FER: variants seen among roughly 807,000 people sequenced by gnomAD.
The protein encoded by FER is tyrosine-protein kinase Fer.
FER carries 63 observed loss-of-function variants against 111.0 expected under a neutral mutation model. The observed-to-expected ratio is 0.57, with a 90% CI of 0.46 to 0.70. The LOEUF (loss-of-function observed/expected upper bound fraction) is 0.70. Among genes scored for constraint, FER ranks in the 30% least tolerant of loss-of-function variants. The pLI is 0.00. For missense variants in FER, 914 were observed against 954.0 expected (o/e 0.96, Z 0.55); for synonymous variants, 327 against 313.9 (o/e 1.04, Z -0.44).
chr5:108,957,053 G>A (rs1758519283), intron 12 of FER, among the ~76,000 whole-genome samples: 2 of 151,610 alleles, frequency 1.3e-5, no homozygotes, highest in Non-Finnish European at 3.0e-5. Flanking sequence ...AAAGAGCACT[G>A]AATTTGGAGT....
At chr5:109,135,730 G>A (rs1752823263) in intron 17 of FER, among the ~76,000 whole-genome samples, 1 of 152,082 alleles carries the variant, frequency 6.6e-6, no homozygotes, top group African/African-American at 2.4e-5. Flanking sequence ...TTTGTAAATT[G>A]GCCTGATTCC....
intron 9 of FER, among the ~76,000 whole-genome samples, chr5:108,893,528 G>A (rs754346993): frequency 2.6e-5 from 4 of 151,958 alleles, no homozygotes; most frequent in African/African-American, 7.3e-5. Context: ...TTGGGATGTA[G>A]TTTTATAATC....
chr5:109,088,942 G>A (rs1176083997), intron 16 of FER, among the ~76,000 whole-genome samples: 1 of 152,114 alleles, frequency 6.6e-6, no homozygotes, highest in African/African-American at 2.4e-5. Context: ...AAAGAAAAAG[G>A]TATTAAGGAT....
intron 10 of FER, among the ~76,000 whole-genome samples, chr5:108,907,480 A>G (rs1197513145): frequency 6.6e-6 from 1 of 151,958 alleles, no homozygotes; most frequent in Admixed American, 6.6e-5. Flanking sequence ...TTTTTGATAG[A>G]GACGGGGTTT....
At chr5:109,036,408 A>G (rs559562957) in intron 13 of FER, among the ~76,000 whole-genome samples, 126 of 152,238 alleles carry the variant, frequency 8.3e-4, no homozygotes, top group African/African-American at 3.0e-3. Flanking sequence ...AAGGTAAAGC[A>G]CTTCAAATAA....
At position 108,867,844 on chromosome 5, in the gene FER, T is replaced by C. The variant is rs1320496307; in HGVS notation, c.559T>C (p.Leu187=). The C allele has an allele frequency of 6.2e-7, 1 of 1,613,418 alleles. No individual in the cohort carries two copies. Among genetic ancestry groups the C allele is most frequent in the South Asian group, 1.1e-5 (1 of 91,058 alleles). The change falls in exon 6 of 20, where the codon TTG becomes CTG. Residue 187 remains leucine, a synonymous_variant. Coordinates refer to ENST00000281092, the MANE Select transcript of FER (RefSeq NM_005246.4). ...TCATATGTTGCACAATCAGTATGTA[T>C]TGGCGTTGAAAGGGGCACAGCTCCA... ...KLHMLHNQYV[L]ALKGAQLHQN...
chr5:109,163,144 T>C (rs1035749074), intron 17 of FER, among the ~76,000 whole-genome samples: 2 of 152,134 alleles, frequency 1.3e-5, no homozygotes, highest in Non-Finnish European at 2.9e-5. Flanking sequence ...ACAAAACATA[T>C]GCAGTATGTT....
intron 2 of FER, among the ~76,000 whole-genome samples, chr5:108,789,262 T>G (rs180798713): frequency 1.6e-4 from 24 of 152,366 alleles, no homozygotes; most frequent in Admixed American, 6.5e-4. Context: ...GTTTGGGCTT[T>G]ATTGGTTTCT....
intron 2 of FER, among the ~76,000 whole-genome samples, chr5:108,791,194 C>T (rs1475651394): frequency 1.3e-5 from 2 of 152,164 alleles, no homozygotes; most frequent in Non-Finnish European, 2.9e-5. Context: ...TATGCTAACT[C>T]TATGTTTTAC....
rs532619306 is a variant in FER at position 108,780,467 on chromosome 5, A to G, written c.-60+12229A>G. On this transcript the variant is annotated intron_variant, in intron 2 of 19. Coordinates refer to ENST00000281092, the MANE Select transcript of FER (RefSeq NM_005246.4). Reference sequence around the variant, plus strand: ...TTCTTGCTTATATGGTTTTGGAGGTAATGTCAATGTAATTATTCTCTTTGC... The same window carrying G: ...TTCTTGCTTATATGGTTTTGGAGGTGATGTCAATGTAATTATTCTCTTTGC... Among the ~76,000 whole-genome samples, 14 of 151,930 alleles carry G rather than the reference A, an allele frequency of 9.2e-5. No homozygotes were observed. In the South Asian group the frequency reaches 2.3e-3, roughly 25 times the overall value.
chr5:108,788,952 C>T (rs1014248266), intron 2 of FER, among the ~76,000 whole-genome samples: 2 of 152,140 alleles, frequency 1.3e-5, no homozygotes, highest in African/African-American at 4.8e-5. Flanking sequence ...CATTTTAATT[C>T]GCATTGACAT....
chr5:109,038,427 G>A (rs1397222944), intron 14 of FER, among the ~76,000 whole-genome samples: 3 of 151,854 alleles, frequency 2.0e-5, no homozygotes, highest in Admixed American at 6.6e-5. Context: ...ATGTAAACTT[G>A]ATGAATTGAC....
At chr5:109,106,080 A>G (rs1561901483) in intron 17 of FER, among the ~76,000 whole-genome samples, 1 of 152,180 alleles carries the variant, frequency 6.6e-6, no homozygotes, top group Non-Finnish European at 1.5e-5. Flanking sequence ...AAGGCCACAC[A>G]CTGAATCTAC....
intron 3 of FER, among the ~76,000 whole-genome samples, chr5:108,816,122 C>CA (rs796815231): frequency 0.018 from 2,732 of 147,726 alleles, 33 homozygotes; most frequent in Middle Eastern, 0.056. Context: ...TTTAATCTAT[C>CA]AAAAAAAAAA....
chr5:108,821,566 C>T (rs1369038182), intron 3 of FER, among the ~76,000 whole-genome samples: 2 of 151,958 alleles, frequency 1.3e-5, no homozygotes, highest in African/African-American at 4.8e-5. Flanking sequence ...TGCTTGGGTT[C>T]ATTGAGCTTC....
intron 17 of FER, among the ~76,000 whole-genome samples, chr5:109,164,224 A>T (rs1190584150): frequency 1.3e-5 from 2 of 152,198 alleles, no homozygotes; most frequent in Non-Finnish European, 2.9e-5. Flanking sequence ...CCAAAATGAC[A>T]TCAGTGCCTT....
rs532859663 is a variant in FER at position 108,817,867 on chromosome 5, A to T, written c.208-14903A>T. Among the ~76,000 whole-genome samples the T allele has an allele frequency of 2.6e-5, 4 of 152,302 alleles. No homozygotes were observed. The South Asian group carries it at 8.3e-4, about 32-fold the overall frequency. ...AGAGTTTACTTTCTTTATATCATGTATTAATCTTAGTATAACTGGTACTAT... is the reference window on the plus strand; with the variant it reads ...AGAGTTTACTTTCTTTATATCATGTTTTAATCTTAGTATAACTGGTACTAT... On this transcript the variant is annotated intron_variant, in intron 3 of 19. Transcript: ENST00000281092.
chr5:108,812,312 C>G (rs1174834170), intron 3 of FER, among the ~76,000 whole-genome samples: 1 of 151,990 alleles, frequency 6.6e-6, no homozygotes, highest in Admixed American at 6.6e-5. Context: ...TTAATTAGGC[C>G]CTTTATCACT....
intron 9 of FER, among the ~76,000 whole-genome samples, chr5:108,893,686 G>A (rs1019556632): frequency 2.0e-5 from 3 of 152,032 alleles, no homozygotes; most frequent in African/African-American, 4.8e-5. Context: ...TTGTGTGAGC[G>A]GCTGAATGAC....
Sources: gnomAD v4.1 joint callset for allele counts (sites outside exome capture counted in the v4.1 genomes callset) on GRCh38, gnomAD v4.1.1 for gene constraint, MANE v1.5 for transcripts, NCBI Gene and HGNC (gene_info 2026-07-23, HGNC 2026-07-21) for gene names.